The following CDKAL1 variants were observed in gnomAD, a reference collection of about 807,000 sequenced individuals.
The protein encoded by CDKAL1 is CDKAL1 threonylcarbamoyladenosine tRNA methylthiotransferase.
A neutral mutation model predicts 68.2 loss-of-function variants in CDKAL1; 32 were observed. The ratio of observed to expected loss-of-function variants is 0.47; its 90% confidence interval spans 0.35 to 0.63. CDKAL1 has a LOEUF of 0.63. Ranked by LOEUF, CDKAL1 falls within the 30% of genes least tolerant of loss-of-function variation. The probability of loss-of-function intolerance (pLI) is 0.00; values close to 1 mark genes in which losing one functional copy is unlikely to be tolerated. For missense variants in CDKAL1, 606 were observed against 696.7 expected (o/e 0.87, Z 1.47); for synonymous variants, 234 against 244.3 (o/e 0.96, Z 0.39).
chr6:20,886,029 G>T (rs1216355148), intron 9 of CDKAL1, among the ~76,000 whole-genome samples: 2 of 152,014 alleles, frequency 1.3e-5, no homozygotes, highest in African/African-American at 2.4e-5. Context: ...AGAGCAAGAC[G>T]CCATCCCCGT....
At chr6:21,100,108 ACC>A (rs1289938657) in intron 12 of CDKAL1, among the ~76,000 whole-genome samples, 1 of 150,232 alleles carries the variant, frequency 6.7e-6, no homozygotes, top group African/African-American at 2.5e-5. Context: ...CTCCTCTACC[ACC>A]CCCACTCTCT....
At chr6:20,883,022 G>GT (rs1295448572) in intron 9 of CDKAL1, among the ~76,000 whole-genome samples, 5 of 151,646 alleles carry the variant, frequency 3.3e-5, no homozygotes, top group Admixed American at 6.6e-5. Context: ...TGAAACTTTT[G>GT]TATGCTCTGA....
At chr6:20,931,988 C>T (rs1424784292) in intron 9 of CDKAL1, among the ~76,000 whole-genome samples, 1 of 152,166 alleles carries the variant, frequency 6.6e-6, no homozygotes, top group Non-Finnish European at 1.5e-5. Context: ...CACACAGAAC[C>T]ATAAAATCTT....
intron 12 of CDKAL1, among the ~76,000 whole-genome samples, chr6:21,071,422 TGCGG>T (rs1771764374): frequency 6.6e-6 from 1 of 152,192 alleles, no homozygotes; most frequent in Non-Finnish European, 1.5e-5. Context: ...TCCCCAGCCA[TGCGG>T]AACTGTGAGC....
At chr6:20,880,725 T>C (rs1760770468) in intron 9 of CDKAL1, among the ~76,000 whole-genome samples, 1 of 152,160 alleles carries the variant, frequency 6.6e-6, no homozygotes, top group African/African-American at 2.4e-5. Context: ...TGAGAACATA[T>C]TTGACAGTTG....
At chr6:20,953,067 C>T (rs143978082) in intron 9 of CDKAL1, among the ~76,000 whole-genome samples, 2 of 152,318 alleles carry the variant, frequency 1.3e-5, no homozygotes, top group South Asian at 4.1e-4. Flanking sequence ...CATGCTCTTT[C>T]GTTCCATTGT....
At chr6:20,655,927 A>C (rs1234419919) in intron 5 of CDKAL1, among the ~76,000 whole-genome samples, 1 of 152,208 alleles carries the variant, frequency 6.6e-6, no homozygotes, top group Non-Finnish European at 1.5e-5. Flanking sequence ...TAATGAATAT[A>C]CTTGAGCTTT....
intron 4 of CDKAL1, among the ~76,000 whole-genome samples, chr6:20,581,745 C>T (rs78518640): frequency 0.011 from 1,638 of 152,236 alleles, 10 homozygotes; most frequent in Non-Finnish European, 0.017. Flanking sequence ...TATGATTTTA[C>T]GTATCTATAA....
At chr6:21,015,263 A>G (rs536962519) in intron 11 of CDKAL1, among the ~76,000 whole-genome samples, 11 of 152,358 alleles carry the variant, frequency 7.2e-5, no homozygotes, top group African/African-American at 2.2e-4. Flanking sequence ...GATCTGCTTT[A>G]GTCAATTTTG....
chr6:21,071,487 T>C (rs759549232), intron 12 of CDKAL1, among the ~76,000 whole-genome samples: 3 of 152,228 alleles, frequency 2.0e-5, no homozygotes, highest in Non-Finnish European at 4.4e-5. Context: ...CATTTCTTTA[T>C]AGCAGTGTGA....
At chr6:20,844,255 T>C (rs1778287319) in intron 8 of CDKAL1, among the ~76,000 whole-genome samples, 1 of 152,190 alleles carries the variant, frequency 6.6e-6, no homozygotes, top group Non-Finnish European at 1.5e-5. Flanking sequence ...TTCAAGAAGA[T>C]GAGTACTGGC....
chr6:20,613,245 CTTTCTTTTTTTTTTTTTTTTTT>C, intron 4 of CDKAL1, among the ~76,000 whole-genome samples: 1 of 67,384 alleles, frequency 1.5e-5, no homozygotes, highest in African/African-American at 4.6e-5. Flanking sequence ...CACAAAATTT[CTTTCTTTTTTTTTTTTTTTTTT>C]TTTTTTTTTT....
chr6:20,714,193 C>CA (rs1246992897), intron 5 of CDKAL1, among the ~76,000 whole-genome samples: 1 of 151,476 alleles, frequency 6.6e-6, no homozygotes, highest in East Asian at 1.9e-4. Flanking sequence ...TACTATGATA[C>CA]AAAAAATTCT....
chr6:20,626,614 A>G lies in CDKAL1; in HGVS notation c.287-22679A>G, dbSNP rs140456066. 2.8e-3 allele frequency among the ~76,000 whole-genome samples: 424 copies of G among 152,206 alleles called. 3 individuals carry two copies. Among genetic ancestry groups the G allele is most frequent in the African/African-American group, 8.4e-3 (348 of 41,544 alleles). ...TTCATTGTATGTAACAGAATACCCAATCGATAGTGACTTAAACTAATGAGG... is the reference window on the plus strand; with the variant it reads ...TTCATTGTATGTAACAGAATACCCAGTCGATAGTGACTTAAACTAATGAGG... On this transcript the variant is annotated intron_variant, in intron 4 of 15. Coordinates refer to ENST00000274695, the MANE Select transcript of CDKAL1 (RefSeq NM_017774.3).
intron 8 of CDKAL1, among the ~76,000 whole-genome samples, chr6:20,826,384 G>T (rs1320957638): frequency 6.6e-6 from 1 of 152,030 alleles, no homozygotes; most frequent in East Asian, 1.9e-4. Flanking sequence ...TGCTTTTCTT[G>T]TGAAAGTTGC....
intron 13 of CDKAL1, among the ~76,000 whole-genome samples, chr6:21,156,040 G>A (rs1776623492): frequency 6.6e-6 from 1 of 152,144 alleles, no homozygotes; most frequent in Non-Finnish European, 1.5e-5. Flanking sequence ...AGCGTTCACT[G>A]ATATTTCAAA....
intron 11 of CDKAL1, among the ~76,000 whole-genome samples, chr6:21,052,537 G>GTTTT (rs66607398): frequency 7.8e-6 from 1 of 128,406 alleles, no homozygotes; most frequent in Non-Finnish European, 1.6e-5. Flanking sequence ...TTAATTGGTT[G>GTTTT]TTTTTTTTTT....
At position 20,901,403 on chromosome 6, in the gene CDKAL1, T is replaced by G. The variant is rs113643028; in HGVS notation, c.743-54016T>G. 5.4e-3 allele frequency among the ~76,000 whole-genome samples: 824 copies of G among 151,956 alleles called. 11 individuals are homozygous for G. The highest frequency in any genetic ancestry group is 0.048 in the South Asian group (230 of 4,800). ...AGAAACAGCTTTAGAGGCCAGGCGCTGTGGCTCACACCTGTAATCCCAGCA... is the reference window on the plus strand; with the variant it reads ...AGAAACAGCTTTAGAGGCCAGGCGCGGTGGCTCACACCTGTAATCCCAGCA... On this transcript the variant is annotated intron_variant, in intron 9 of 15. Transcript: ENST00000274695.
chr6:20,867,623 G>A (rs1759979207), intron 9 of CDKAL1, among the ~76,000 whole-genome samples: 1 of 152,184 alleles, frequency 6.6e-6, no homozygotes. Context: ...ACCAGTGGAG[G>A]AGTTTGGTCA....
Sources: allele counts gnomAD v4.1 joint callset (sites outside exome capture counted in the v4.1 genomes callset), GRCh38; gene constraint gnomAD v4.1.1; transcripts MANE v1.5; gene names NCBI Gene and HGNC (gene_info 2026-07-23, HGNC 2026-07-21).